The following PTMA variants were observed in gnomAD, a reference collection of about 807,000 sequenced individuals.
The protein encoded by PTMA is gene sequence 28.
PTMA carries 4 observed loss-of-function variants against 16.9 expected under a neutral mutation model. That is an observed-to-expected ratio of 0.24 (90% CI 0.12 to 0.54). The LOEUF (loss-of-function observed/expected upper bound fraction) is 0.54. PTMA is among the 20% of genes least tolerant of loss of function. PTMA has a pLI of 0.95. For missense variants in PTMA, 120 were observed against 137.7 expected, an observed-to-expected ratio of 0.87 and a Z score of 0.64; for synonymous variants, 58 against 47.9, an observed-to-expected ratio of 1.21 and a Z score of -0.87.
Position 231,708,655 on chromosome 2 carries a change from A to C in PTMA, c.-52A>C, listed in dbSNP as rs2048471598. 3.8e-6 allele frequency: 6 copies of C among 1,594,656 alleles called. No homozygotes were observed. In the East Asian group the frequency reaches 1.3e-4, roughly 36 times the overall value. ...GGCAGCTTTATCGCCAGAGTCCCTG[A>C]ACTCTCGCTTTCTTTTTAATCCCCT... is the stretch of plus-strand genomic sequence containing the variant. On this transcript the variant is annotated 5_prime_UTR_variant, in exon 1 of 5. Coordinates refer to ENST00000409115, the MANE Select transcript of PTMA (RefSeq NM_002823.5).
At chr2:231,710,158 C>A in intron 1 of PTMA, 2 of 1,271,116 alleles carry the variant, frequency 1.6e-6, no homozygotes, top group South Asian at 6.0e-5. Flanking sequence ...GGGCGACCTC[C>A]CGTGGGACTT....
At chr2:231,710,672 C>A (rs1480458668) in intron 1 of PTMA, 2 of 433,548 alleles carry the variant, frequency 4.6e-6, no homozygotes, top group Admixed American at 5.2e-5. Context: ...AGTCCCACCC[C>A]CGAGGTGCTG....
At chr2:231,712,119 ACCCACC>A in intron 3 of PTMA, 136 bp downstream of exon 3, 5 of 1,462,484 alleles carry the variant, frequency 3.4e-6, no homozygotes, top group South Asian at 2.5e-5. Context: ...GGCCCTGGGC[ACCCACC>A]TGTAGAGTCA....
At chr2:231,710,085 T>C (rs2048496788) in intron 1 of PTMA, 5 of 1,234,028 alleles carry the variant, frequency 4.1e-6, no homozygotes, top group Middle Eastern at 3.1e-4. Flanking sequence ...GCGAGGGCGA[T>C]GAGTAGTAGC....
chr2:231,713,380 T>G lies in PTMA; in HGVS notation c.*529T>G, dbSNP rs1323651691. On this transcript the variant is annotated 3_prime_UTR_variant, in exon 5 of 5. Coordinates refer to ENST00000409115, the MANE Select transcript of PTMA (RefSeq NM_002823.5). ...TTAGCTGTACTATAAGTAGTTGGTT[T>G]GTATGAGATGGTTAAAAAGGCCAAA... 1 of 512,344 alleles carries G rather than the reference T, an allele frequency of 2.0e-6. No homozygotes were observed. The highest frequency in any genetic ancestry group is 1.5e-5 in the South Asian group (1 of 66,282). 31.7% of individuals were successfully genotyped at this position (512,344 alleles called of 1,614,324 possible). A position where few individuals can be genotyped will look rare whatever the true frequency, so the allele number is the denominator to read the frequency against.
At chr2:231,709,212 C>T (rs1026044204) in intron 1 of PTMA, among the ~76,000 whole-genome samples, 1 of 152,292 alleles carries the variant, frequency 6.6e-6, no homozygotes, top group Non-Finnish European at 1.5e-5. Flanking sequence ...GGCCGCGCTG[C>T]TCTTTGTTCG....
intron 1 of PTMA, chr2:231,710,468 A>T: frequency 9.1e-7 from 1 of 1,095,360 alleles, no homozygotes; most frequent in Non-Finnish European, 1.2e-6. Context: ...GAGCGGGCGG[A>T]GCCGGGGTCC....
intron 1 of PTMA, among the ~76,000 whole-genome samples, chr2:231,709,489 G>A (rs1216251945): frequency 6.6e-6 from 1 of 152,194 alleles, no homozygotes; most frequent in Non-Finnish European, 1.5e-5. Context: ...CGCGCCGCAG[G>A]GAGGAAAGAG....
chr2:231,710,034 G>C (rs1397139067), intron 1 of PTMA: 1 of 1,209,296 alleles, frequency 8.3e-7, no homozygotes, highest in Non-Finnish European at 1.0e-6. Flanking sequence ...TGCGGGGCCT[G>C]GCTGTTCGAT....
chr2:231,710,488 A>G lies in PTMA; in HGVS notation c.46-860A>G, dbSNP rs1169543351. Reference sequence around the variant, plus strand: ...GGCGGAGCCGGGGTCCGCGGAGCGGAGCGGGGCGGGCCGGACTGAGAGGGC... The same window carrying G: ...GGCGGAGCCGGGGTCCGCGGAGCGGGGCGGGGCGGGCCGGACTGAGAGGGC... On this transcript the variant is annotated intron_variant, in intron 1 of 4. Transcript: ENST00000409115. The G allele has an allele frequency of 2.7e-5, 29 of 1,064,600 alleles. No homozygotes were observed. In the East Asian group the frequency reaches 4.1e-4, roughly 15 times the overall value. The allele number at this position is 1,064,600 out of a possible 1,614,324, so 65.9% of individuals were successfully genotyped here.
intron 1 of PTMA, among the ~76,000 whole-genome samples, chr2:231,709,461 T>C (rs1010612393): frequency 1.3e-5 from 2 of 152,108 alleles, no homozygotes; most frequent in Admixed American, 1.3e-4. Flanking sequence ...CGGGCTTGGC[T>C]GAGGAGGCGA....
intron 1 of PTMA, 129 bp downstream of exon 1, chr2:231,708,880 C>T (rs1382149313): frequency 3.1e-5 from 36 of 1,156,592 alleles, no homozygotes; most frequent in Non-Finnish European, 2.6e-5. Context: ...CCGCCCCCGG[C>T]GCGGTGCCCT....
At position 231,710,322 on chromosome 2, in the gene PTMA, C is replaced by T. The variant is rs758278263; in HGVS notation, c.46-1026C>T. On this transcript the variant is annotated intron_variant, in intron 1 of 4. Coordinates refer to ENST00000409115, the MANE Select transcript of PTMA (RefSeq NM_002823.5). ...CCAAGGCAAGGGACGCACTCGGCGG[C>T]CCCGGGCCACGTGCTCCCTGCGCGC... 11 of 1,234,496 alleles carry T rather than the reference C, an allele frequency of 8.9e-6. No homozygotes were observed. In the Admixed American group the frequency reaches 2.1e-4, roughly 24 times the overall value. The allele number at this position is 1,234,496 out of a possible 1,614,324, so 76.5% of individuals were successfully genotyped here. A position where few individuals can be genotyped will look rare whatever the true frequency, so the allele number is the denominator to read the frequency against.
intron 1 of PTMA, chr2:231,710,799 G>A (rs1320331829): frequency 3.1e-6 from 1 of 318,540 alleles, no homozygotes; most frequent in African/African-American, 2.4e-5. Context: ...TCGGATTTGG[G>A]GGGTCGGTGT....
chr2:231,709,403 G>A (rs1292070338), intron 1 of PTMA, among the ~76,000 whole-genome samples: 3 of 152,190 alleles, frequency 2.0e-5, no homozygotes, highest in African/African-American at 7.2e-5. Context: ...CCTTCGAGGT[G>A]AGTGCGCCGG....
chr2:231,711,276 T>TCTCAGCGCCTTTGCTTACC, intron 1 of PTMA, 72 bp from the exon 2 acceptor site: 1 of 1,284,756 alleles, frequency 7.8e-7, no homozygotes, highest in Non-Finnish European at 1.1e-6. Context: ...GACCAGTAGT[T>TCTCAGCGCCTTTGCTTACC]CTCAGCGCCT....
At position 231,711,999 on chromosome 2, in the gene PTMA, T is replaced by C. The variant is rs2048524370; in HGVS notation, c.211+16T>C. The C allele has an allele frequency of 6.4e-7, 1 of 1,556,524 alleles. No individual in the cohort carries two copies. On this transcript the variant is annotated intron_variant, in intron 3 of 4. Coordinates refer to ENST00000409115, the MANE Select transcript of PTMA (RefSeq NM_002823.5). The stretch of plus-strand genomic sequence containing the variant: ...GAAGGTGATGGTGAGTAGCCTTGTC[T>C]ATCTTCCCCTTTTCAGGTACTTTTT...
intron 1 of PTMA, chr2:231,710,626 C>A: frequency 2.2e-6 from 1 of 463,162 alleles, no homozygotes; most frequent in South Asian, 1.6e-5. Flanking sequence ...AGTTACCGGG[C>A]GCCCGGGGCC....
chr2:231,709,990 G>C, intron 1 of PTMA: 1 of 1,050,940 alleles, frequency 9.5e-7, no homozygotes, highest in Non-Finnish European at 1.2e-6. Flanking sequence ...CTCAGTCCGG[G>C]AATGAGTTTG....
Sources: gnomAD v4.1 joint callset for allele counts (sites outside exome capture counted in the v4.1 genomes callset) on GRCh38, gnomAD v4.1.1 for gene constraint, MANE v1.5 for transcripts, NCBI Gene and HGNC (gene_info 2026-07-23, HGNC 2026-07-21) for gene names.